Variants in LSAMP observed in about 807,000 individuals in gnomAD.
LSAMP encodes the protein limbic system-associated membrane protein.
Under a neutral mutation model 38.6 loss-of-function variants are expected in LSAMP, and 7 were observed. The observed-to-expected ratio is 0.18, with a 90% CI of 0.10 to 0.34. The LOEUF (loss-of-function observed/expected upper bound fraction) is 0.34. LSAMP is among the 10% of genes least tolerant of loss of function. The pLI is 1.00. For synonymous variants in LSAMP, 154 were observed against 166.8 expected (o/e 0.92, Z 0.59); for missense variants, 313 against 420.0 (o/e 0.75, Z 2.23).
chr3:116,023,468 G>T (rs1488406271), intron 2 of LSAMP, among the ~76,000 whole-genome samples: 1 of 151,532 alleles, frequency 6.6e-6, no homozygotes, highest in Non-Finnish European at 1.5e-5. Flanking sequence ...AGCTGGGCAT[G>T]GTGGTGGAAA....
chr3:116,103,008 C>A (rs944439668), intron 1 of LSAMP, among the ~76,000 whole-genome samples: 1 of 152,036 alleles, frequency 6.6e-6, no homozygotes, highest in South Asian at 2.1e-4. Context: ...ACCCACCCCC[C>A]CAAAAAAAAC....
chr3:116,197,084 A>C (rs973025978), intron 1 of LSAMP, among the ~76,000 whole-genome samples: 1 of 151,520 alleles, frequency 6.6e-6, no homozygotes, highest in African/African-American at 2.4e-5. Context: ...GTCTCTGATA[A>C]AATGGGGGTC....
chr3:116,254,273 T>C (rs750633043), intron 1 of LSAMP, among the ~76,000 whole-genome samples: 19 of 152,292 alleles, frequency 1.2e-4, no homozygotes, highest in Non-Finnish European at 2.2e-4. Context: ...AGTCCATGTA[T>C]TGATTCATGT....
At chr3:116,237,986 A>G (rs1251082301) in intron 1 of LSAMP, among the ~76,000 whole-genome samples, 1 of 152,164 alleles carries the variant, frequency 6.6e-6, no homozygotes, top group Admixed American at 6.5e-5. Context: ...TAGGATGTTC[A>G]ACAGCATCCC....
intron 1 of LSAMP, among the ~76,000 whole-genome samples, chr3:116,187,901 G>A (rs1330219875): frequency 1.2e-4 from 18 of 151,948 alleles, no homozygotes; most frequent in Non-Finnish European, 2.6e-4. Context: ...CAGGTATTAA[G>A]CCTAGTACCC....
intron 6 of LSAMP, among the ~76,000 whole-genome samples, chr3:115,825,130 T>C (rs567851275): frequency 6.6e-6 from 1 of 152,354 alleles, no homozygotes; most frequent in Admixed American, 6.5e-5. Context: ...AGAATTTGAA[T>C]GCAAAGATAA....
intron 1 of LSAMP, among the ~76,000 whole-genome samples, chr3:116,317,352 C>G (rs902664471): frequency 2.0e-5 from 3 of 149,326 alleles, no homozygotes; most frequent in Admixed American, 6.6e-5. Context: ...CAATCTCTTT[C>G]TTTCTTTTTT....
intron 1 of LSAMP, among the ~76,000 whole-genome samples, chr3:116,292,413 G>A (rs71323439): frequency 0.057 from 8,627 of 152,214 alleles, 307 homozygotes; most frequent in Middle Eastern, 0.11. Flanking sequence ...AAATGACATT[G>A]TATAAATGTG....
chr3:116,186,694 G>C (rs534358253), intron 1 of LSAMP, among the ~76,000 whole-genome samples: 1 of 152,194 alleles, frequency 6.6e-6, no homozygotes, highest in African/African-American at 2.4e-5. Context: ...CCACACTCTT[G>C]CTTCTCACAC....
rs1177245989 is a variant in LSAMP at position 115,839,274 on chromosome 3, C to CTTCT, written c.919+2570_919+2571insAGAA. Among the ~76,000 whole-genome samples, 153 of 115,396 alleles carry CTTCT rather than the reference C, an allele frequency of 1.3e-3. 2 individuals are homozygous for CTTCT. Among genetic ancestry groups the CTTCT allele is most frequent in the African/African-American group, 5.4e-3 (146 of 27,182 alleles). 75.7% of individuals were successfully genotyped at this position (115,396 alleles called of 152,430 possible). ...CCTTCCTTCTTTCTTTCCTTCCTTC[C>CTTCT]TTCCTTCCTTCCTTCCTTCCTTCCT... On this transcript the variant is annotated intron_variant, in intron 6 of 6. Transcript: ENST00000490035.
intron 1 of LSAMP, among the ~76,000 whole-genome samples, chr3:116,198,772 G>GAAAAAAAGAAAA (rs2045947334): frequency 9.7e-6 from 1 of 103,228 alleles, no homozygotes; most frequent in African/African-American, 3.5e-5. Context: ...CTCCGTCTCA[G>GAAAAAAAGAAAA]AAAAAAAAAG....
intron 1 of LSAMP, among the ~76,000 whole-genome samples, chr3:116,324,908 C>T (rs2047749097): frequency 6.6e-6 from 1 of 151,982 alleles, no homozygotes; most frequent in South Asian, 2.1e-4. Context: ...GATTGAGCCT[C>T]TCGGCCTCTC....
intron 1 of LSAMP, among the ~76,000 whole-genome samples, chr3:116,114,246 G>A (rs887779503): frequency 6.6e-6 from 1 of 152,120 alleles, no homozygotes; most frequent in Non-Finnish European, 1.5e-5. Context: ...CTTATTGCAA[G>A]AGCCTGAGTA....
chr3:116,241,340 G>C (rs1242921112), intron 1 of LSAMP, among the ~76,000 whole-genome samples: 1 of 152,134 alleles, frequency 6.6e-6, no homozygotes, highest in Admixed American at 6.5e-5. Context: ...GCTGAGACAG[G>C]CTGATCGCCT....
intron 1 of LSAMP, among the ~76,000 whole-genome samples, chr3:116,417,536 GT>G (rs1373702049): frequency 2.0e-5 from 3 of 152,166 alleles, no homozygotes; most frequent in Non-Finnish European, 2.9e-5. Flanking sequence ...CAAAGAGTAG[GT>G]TTCTTCCTTT....
chr3:116,010,121 T>G (rs1420562976), intron 3 of LSAMP, among the ~76,000 whole-genome samples: 1 of 152,184 alleles, frequency 6.6e-6, no homozygotes, highest in South Asian at 2.1e-4. Flanking sequence ...TTCACCATGT[T>G]GGCCAGCCTG....
At position 115,802,748 on chromosome 3, in the gene LSAMP, T is replaced by A. The variant is rs1933543287; in HGVS notation, c.*7569A>T. The A allele has an allele frequency of 6.6e-6, 1 of 151,894 alleles. No homozygotes were observed. Among genetic ancestry groups the A allele is most frequent in the African/African-American group, 2.4e-5 (1 of 41,374 alleles). 9.4% of individuals were successfully genotyped at this position (151,894 alleles called of 1,614,324 possible). On this transcript the variant is annotated 3_prime_UTR_variant, in exon 7 of 7. Transcript: ENST00000490035. Reference sequence around the variant, plus strand: ...ATATATTTATATGTATATAACACTGTTAATAAGGAGAATTCTAACCAAGAG... The same window carrying A: ...ATATATTTATATGTATATAACACTGATAATAAGGAGAATTCTAACCAAGAG...
chr3:116,386,299 G>GA (rs2048625681), intron 1 of LSAMP, among the ~76,000 whole-genome samples: 1 of 152,042 alleles, frequency 6.6e-6, no homozygotes, highest in South Asian at 2.1e-4. Context: ...GTTCTGACCA[G>GA]AATTTTCTGA....
intron 4 of LSAMP, among the ~76,000 whole-genome samples, chr3:115,846,246 A>G (rs1443734562): frequency 6.6e-6 from 1 of 152,224 alleles, no homozygotes; most frequent in Non-Finnish European, 1.5e-5. Context: ...TGACTTTGGA[A>G]TAGCTTACAA....
Sources: gnomAD v4.1 joint callset for allele counts (sites outside exome capture counted in the v4.1 genomes callset) on GRCh38, gnomAD v4.1.1 for gene constraint, MANE v1.5 for transcripts, NCBI Gene and HGNC (gene_info 2026-07-23, HGNC 2026-07-21) for gene names.